Variants in TMTC1 observed in about 807,000 individuals in gnomAD.
The protein encoded by TMTC1 is protein O-mannosyl-transferase TMTC1.
Under a neutral mutation model 104.8 loss-of-function variants are expected in TMTC1, and 73 were observed. That is an observed-to-expected ratio of 0.70 (90% CI 0.58 to 0.85). The LOEUF is 0.85. TMTC1 is among the 40% of genes least tolerant of loss of function. TMTC1 has a pLI of 0.00. For missense variants in TMTC1, 1,035 were observed against 1,096.1 expected, an observed-to-expected ratio of 0.94 and a Z score of 0.79; for synonymous variants, 434 against 428.7, an observed-to-expected ratio of 1.01 and a Z score of -0.15.
At chr12:29,773,595 G>A (rs1943642634) in intron 1 of TMTC1, among the ~76,000 whole-genome samples, 1 of 152,096 alleles carries the variant, frequency 6.6e-6, no homozygotes, top group Non-Finnish European at 1.5e-5. Context: ...CTCTACATGT[G>A]GTGACCCAAG....
intron 10 of TMTC1, among the ~76,000 whole-genome samples, chr12:29,550,533 T>TG (rs1945067323): frequency 6.7e-6 from 1 of 150,046 alleles, no homozygotes; most frequent in Non-Finnish European, 1.5e-5. Flanking sequence ...AATGAGAGAG[T>TG]GGGGAAAAGG....
chr12:29,555,431 C>T (rs887548712), intron 10 of TMTC1, among the ~76,000 whole-genome samples: 18 of 148,738 alleles, frequency 1.2e-4, no homozygotes, highest in Non-Finnish European at 2.2e-4. Flanking sequence ...CCCATCAACC[C>T]GTCATCTACA....
chr12:29,730,599 G>A lies in TMTC1; in HGVS notation c.938+21067C>T, dbSNP rs112974818. On this transcript the variant is annotated intron_variant, in intron 5 of 17. Coordinates refer to ENST00000539277, the MANE Select transcript of TMTC1 (RefSeq NM_001193451.2). ...AGAACCATCCCTGAGAAGGATCACC[G>A]GATGACAGCATTGTCATCTGCAGCG... is the stretch of plus-strand genomic sequence containing the variant. 2.0e-4 allele frequency among the ~76,000 whole-genome samples: 31 copies of A among 152,278 alleles called. 3 individuals carry two copies. Among genetic ancestry groups the A allele is most frequent in the African/African-American group, 7.0e-4 (29 of 41,554 alleles).
At chr12:29,751,553 G>T in intron 5 of TMTC1, 113 bp downstream of exon 5, 2 of 1,056,072 alleles carry the variant, frequency 1.9e-6, no homozygotes, top group Non-Finnish European at 2.9e-6. Flanking sequence ...AGCATGAAGA[G>T]AGGGAGGTCA....
At chr12:29,702,963 G>A (rs1941640329) in intron 5 of TMTC1, among the ~76,000 whole-genome samples, 1 of 151,988 alleles carries the variant, frequency 6.6e-6, no homozygotes, top group Admixed American at 6.6e-5. Flanking sequence ...CGGGCAACAT[G>A]GTGAAACTGC....
At chr12:29,746,762 T>C (rs1942965259) in intron 5 of TMTC1, among the ~76,000 whole-genome samples, 1 of 152,208 alleles carries the variant, frequency 6.6e-6, no homozygotes, top group African/African-American at 2.4e-5. Flanking sequence ...TACACCTATG[T>C]GCAAGGTATT....
intron 6 of TMTC1, among the ~76,000 whole-genome samples, chr12:29,608,692 C>A (rs1300825689): frequency 6.6e-6 from 1 of 152,108 alleles, no homozygotes; most frequent in Non-Finnish European, 1.5e-5. Context: ...AGAAAAGCAT[C>A]CCCCTGAGCT....
intron 7 of TMTC1, among the ~76,000 whole-genome samples, chr12:29,591,893 A>AG (rs1946292191): frequency 7.2e-6 from 1 of 138,396 alleles, no homozygotes; most frequent in African/African-American, 3.0e-5. Flanking sequence ...GAAACTCACC[A>AG]AGAAGCTTTT....
At chr12:29,586,221 C>T (rs1946129334) in intron 7 of TMTC1, among the ~76,000 whole-genome samples, 1 of 152,072 alleles carries the variant, frequency 6.6e-6, no homozygotes, top group South Asian at 2.1e-4. Context: ...GGAGTTCACT[C>T]ATGATTTGGC....
intron 5 of TMTC1, among the ~76,000 whole-genome samples, chr12:29,640,135 T>A (rs182997873): frequency 1.3e-4 from 20 of 152,172 alleles, no homozygotes; most frequent in South Asian, 6.2e-4. Context: ...AAACACCCGA[T>A]GAAAGAAGAA....
At chr12:29,608,262 C>T (rs975987236) in intron 6 of TMTC1, among the ~76,000 whole-genome samples, 1 of 152,164 alleles carries the variant, frequency 6.6e-6, no homozygotes, top group Non-Finnish European at 1.5e-5. Context: ...CTGTGGATCA[C>T]TGATGTGACA....
intron 1 of TMTC1, among the ~76,000 whole-genome samples, chr12:29,771,237 A>C (rs1943588040): frequency 6.6e-6 from 1 of 152,222 alleles, no homozygotes; most frequent in African/African-American, 2.4e-5. Flanking sequence ...CAAAGAGTTT[A>C]AATGGCTGAA....
intron 5 of TMTC1, among the ~76,000 whole-genome samples, chr12:29,730,329 G>C (rs1266999107): frequency 6.6e-6 from 1 of 152,174 alleles, no homozygotes; most frequent in Non-Finnish European, 1.5e-5. Context: ...TTTAAAAGAT[G>C]AATTTCCTGG....
Position 29,751,716 on chromosome 12 carries a change from G to C in TMTC1, c.888C>G (p.Pro296=). The change falls in exon 5 of 18, where the codon CCC becomes CCG. Residue 296 remains proline (P), a synonymous_variant. Transcript: ENST00000539277. ...GGGACACTGGGAATCCACTGCTCTT[G>C]GGTTCTGGTGGCAGTGGAGAGTGGC... ...GGCHSPLPPE[P]KSSGFPVSPR... is the part of the protein sequence containing the mutation. 1 of 1,614,110 alleles carries C rather than the reference G, an allele frequency of 6.2e-7. No homozygotes were observed. The highest frequency in any genetic ancestry group is 1.7e-5 in the Admixed American group (1 of 60,024).
intron 6 of TMTC1, among the ~76,000 whole-genome samples, chr12:29,607,896 C>T (rs952443875): frequency 5.9e-5 from 9 of 152,160 alleles, no homozygotes; most frequent in African/African-American, 1.7e-4. Flanking sequence ...ACACACAGCC[C>T]GCCACCCTAC....
At chr12:29,539,165 T>C (rs2136210268) in intron 10 of TMTC1, among the ~76,000 whole-genome samples, 1 of 152,314 alleles carries the variant, frequency 6.6e-6, no homozygotes. Context: ...AGAAGATAAT[T>C]CATCTAAATA....
At chr12:29,772,666 T>C (rs1943621681) in intron 1 of TMTC1, among the ~76,000 whole-genome samples, 1 of 152,110 alleles carries the variant, frequency 6.6e-6, no homozygotes, top group African/African-American at 2.4e-5. Context: ...TAGTACACAT[T>C]TAAAGATTTA....
At chr12:29,660,920 G>C in intron 5 of TMTC1, 1 of 1,318,150 alleles carries the variant, frequency 7.6e-7, no homozygotes, top group South Asian at 1.4e-5. Context: ...TTAGATAAGT[G>C]TGTCTACCAG....
intron 5 of TMTC1, among the ~76,000 whole-genome samples, chr12:29,680,326 A>C (rs1447128547): frequency 6.6e-6 from 1 of 152,246 alleles, no homozygotes; most frequent in Admixed American, 6.5e-5. Context: ...CAATGCCCTG[A>C]TTTGGGTCCT....
Sources: gnomAD v4.1 joint callset for allele counts (sites outside exome capture counted in the v4.1 genomes callset) on GRCh38, gnomAD v4.1.1 for gene constraint, MANE v1.5 for transcripts, NCBI Gene and HGNC (gene_info 2026-07-23, HGNC 2026-07-21) for gene names.